DAB1: variants seen among roughly 807,000 people sequenced by gnomAD.
The protein encoded by DAB1 is DAB adaptor protein 1.
In DAB1, 15 loss-of-function variants were observed where a neutral mutation model predicts 64.6. The observed-to-expected ratio is 0.23, with a 90% CI of 0.16 to 0.36. The LOEUF is 0.36. Ranked by LOEUF, DAB1 falls within the 10% of genes least tolerant of loss-of-function variation. The probability of loss-of-function intolerance (pLI) is 1.00; values close to 1 mark genes in which losing one functional copy is unlikely to be tolerated. For missense variants in DAB1, 596 were observed against 706.7 expected, an observed-to-expected ratio of 0.84 and a Z score of 1.78; for synonymous variants, 235 against 251.9, an observed-to-expected ratio of 0.93 and a Z score of 0.64.
Position 57,111,981 on chromosome 1 carries a change from C to A in DAB1, c.306+24562G>T, listed in dbSNP as rs3850545. ...ACATGTATAACTTCTACCTTTGAAA[C>A]CTCAGTTTCAATGTCTGCCAAATAA... is the stretch of plus-strand genomic sequence containing the variant. On this transcript the variant is annotated intron_variant, in intron 4 of 14. Coordinates refer to ENST00000371236, the MANE Select transcript of DAB1 (RefSeq NM_001365792.1). Among the ~76,000 whole-genome samples the A allele has an allele frequency of 9.9e-3, 1,507 of 152,212 alleles. 25 individuals carry two copies. Among genetic ancestry groups the A allele is most frequent in the African/African-American group, 0.034 (1,428 of 41,526 alleles).
chr1:57,103,019 T>C (rs1445092813), intron 4 of DAB1, among the ~76,000 whole-genome samples: 1 of 152,100 alleles, frequency 6.6e-6, no homozygotes, highest in African/African-American at 2.4e-5. Flanking sequence ...TGACTGGGTC[T>C]CAGAAACCCA....
intron 1 of DAB1, among the ~76,000 whole-genome samples, chr1:57,405,065 C>T (rs927021454): frequency 6.6e-6 from 1 of 152,190 alleles, no homozygotes; most frequent in Non-Finnish European, 1.5e-5. Context: ...GAGAAAGCCA[C>T]AGAATGCTGT....
At chr1:57,388,473 T>A (rs1682070302) in intron 1 of DAB1, among the ~76,000 whole-genome samples, 1 of 152,110 alleles carries the variant, frequency 6.6e-6, no homozygotes, top group South Asian at 2.1e-4. Context: ...CTCATTAAAA[T>A]CTTCGAGGCT....
At chr1:57,230,651 A>G (rs963770813) in intron 2 of DAB1, among the ~76,000 whole-genome samples, 1 of 115,772 alleles carries the variant, frequency 8.6e-6, no homozygotes, top group Non-Finnish European at 1.9e-5. Context: ...ATAGCTTTAC[A>G]TATTTTGAGG....
chr1:57,909,529 A>C (rs1373102414), intron 5 of DAB1, among the ~76,000 whole-genome samples: 1 of 152,228 alleles, frequency 6.6e-6, no homozygotes, highest in Non-Finnish European at 1.5e-5. Flanking sequence ...AGAATCAACT[A>C]TACGACTTTG....
At chr1:57,235,499 C>T (rs571540364) in intron 2 of DAB1, among the ~76,000 whole-genome samples, 20 of 152,226 alleles carry the variant, frequency 1.3e-4, no homozygotes, top group South Asian at 8.3e-4. Flanking sequence ...GGAGTGATTA[C>T]GATTTAAATG....
chr1:58,425,917 CAGA>C (rs918147330), intron 3 of DAB1, among the ~76,000 whole-genome samples: 5 of 151,698 alleles, frequency 3.3e-5, no homozygotes, highest in Admixed American at 3.3e-4. Flanking sequence ...GTGCGGGGTA[CAGA>C]AGAATAGTCT....
intron 4 of DAB1, among the ~76,000 whole-genome samples, chr1:58,336,337 T>G (rs975982374): frequency 2.0e-5 from 3 of 152,222 alleles, no homozygotes; most frequent in Non-Finnish European, 4.4e-5. Flanking sequence ...AAAGAAAGAA[T>G]TCTATGCTTT....
chr1:57,476,131 C>T (rs913001936), intron 7 of DAB1, among the ~76,000 whole-genome samples: 2 of 150,848 alleles, frequency 1.3e-5, no homozygotes, highest in Non-Finnish European at 1.5e-5. Flanking sequence ...AAGGCTGAGG[C>T]AGGAGAATCG....
At chr1:57,391,733 C>A (rs1682372854) in intron 1 of DAB1, among the ~76,000 whole-genome samples, 2 of 149,936 alleles carry the variant, frequency 1.3e-5, no homozygotes, top group African/African-American at 4.9e-5. Context: ...TCCATCTGTG[C>A]ATTCTTCTGG....
intron 14 of DAB1, among the ~76,000 whole-genome samples, chr1:56,999,983 C>T (rs77733158): frequency 3.3e-4 from 50 of 151,346 alleles, no homozygotes; most frequent in East Asian, 2.7e-3. Flanking sequence ...CAGAAAAGTA[C>T]GGAAGCCCAT....
At chr1:57,030,880 A>T (rs1464913039) in intron 9 of DAB1, among the ~76,000 whole-genome samples, 1 of 152,236 alleles carries the variant, frequency 6.6e-6, no homozygotes. Flanking sequence ...CTTCTTTGAG[A>T]CTGCAACTCT....
intron 1 of DAB1, among the ~76,000 whole-genome samples, chr1:57,393,649 G>A (rs974367714): frequency 2.6e-5 from 4 of 152,276 alleles, no homozygotes; most frequent in African/African-American, 9.6e-5. Flanking sequence ...GATACAGTGA[G>A]ACCCCTTCTC....
rs187694340 is a variant in DAB1 at position 57,251,531 on chromosome 1, G to A, written c.67+39433C>T. Among the ~76,000 whole-genome samples, 548 of 152,206 alleles carry A rather than the reference G, an allele frequency of 3.6e-3. 4 individuals carry two copies. Among genetic ancestry groups the A allele is most frequent in the African/African-American group, 0.012 (511 of 41,522 alleles). Reference sequence around the variant, plus strand: ...AGTGTATTATATAGCCAATCACCTCGAGTACACTGAAACAGCCAGTAAGAA... The same window carrying A: ...AGTGTATTATATAGCCAATCACCTCAAGTACACTGAAACAGCCAGTAAGAA... On this transcript the variant is annotated intron_variant, in intron 2 of 14. Coordinates refer to ENST00000371236, the MANE Select transcript of DAB1 (RefSeq NM_001365792.1).
At chr1:58,494,768 T>A (rs186755677) in intron 3 of DAB1, among the ~76,000 whole-genome samples, 17,481 of 151,714 alleles carry the variant, frequency 0.12, 1,199 homozygotes, top group African/African-American at 0.18. Flanking sequence ...GTCAGGAAAC[T>A]ACAGGTGCTG....
chr1:58,268,494 A>T (rs1661229493), intron 4 of DAB1, among the ~76,000 whole-genome samples: 1 of 152,208 alleles, frequency 6.6e-6, no homozygotes, highest in South Asian at 2.1e-4. Context: ...TCAAGTCCTC[A>T]TAAAAGTAGA....
intron 5 of DAB1, among the ~76,000 whole-genome samples, chr1:58,117,504 T>A (rs1652409473): frequency 6.6e-6 from 1 of 152,208 alleles, no homozygotes; most frequent in African/African-American, 2.4e-5. Flanking sequence ...GTATTGCTCA[T>A]GTCCAAATCC....
At chr1:57,505,151 A>T (rs1238744570) in intron 7 of DAB1, among the ~76,000 whole-genome samples, 1 of 152,226 alleles carries the variant, frequency 6.6e-6, no homozygotes, top group Non-Finnish European at 1.5e-5. Context: ...AAGTAGTAAT[A>T]GGGGAAACTG....
intron 7 of DAB1, among the ~76,000 whole-genome samples, chr1:57,645,737 A>C (rs1246295701): frequency 6.6e-6 from 1 of 152,160 alleles, no homozygotes; most frequent in South Asian, 2.1e-4. Flanking sequence ...GATTTGCTCA[A>C]TGTCAGACAG....
Sources: gnomAD v4.1 joint callset for allele counts (sites outside exome capture counted in the v4.1 genomes callset) on GRCh38, gnomAD v4.1.1 for gene constraint, MANE v1.5 for transcripts, NCBI Gene and HGNC (gene_info 2026-07-23, HGNC 2026-07-21) for gene names.